POLN: variants seen among roughly 807,000 people sequenced by gnomAD.
POLN encodes the protein DNA polymerase N.
POLN carries 108 observed loss-of-function variants against 113.5 expected under a neutral mutation model. That is an observed-to-expected ratio of 0.95 (90% confidence interval 0.81 to 1.12). The LOEUF is 1.12. POLN is among the 50% of genes most tolerant of loss of function. The pLI, the probability that POLN is intolerant of heterozygous loss-of-function variation, is 0.00. For missense variants in POLN, 1,097 were observed against 1,077.1 expected (o/e 1.02, Z -0.26); for synonymous variants, 386 against 391.5 (o/e 0.99, Z 0.17).
Position 2,126,937 on chromosome 4 carries a change from G to A in POLN, c.1982+1176C>T, listed in dbSNP as rs1431872789. On this transcript the variant is annotated intron_variant, in intron 19 of 25. Transcript: ENST00000511885. This position sits in a 1 kb window ranked among gnomAD's most constrained non-coding sequence, Gnocchi z 4.6. Reference sequence around the variant, plus strand: ...AAAGACAGAGGCGGAGACAGCGCATGGGGAGGGGAGTGCAGGGGGCCGGCC... The same window carrying A: ...AAAGACAGAGGCGGAGACAGCGCATAGGGAGGGGAGTGCAGGGGGCCGGCC... 6.6e-6 allele frequency among the ~76,000 whole-genome samples: 1 copy of A among 152,268 alleles called. No homozygotes were observed. The highest frequency in any genetic ancestry group is 2.1e-4 in the South Asian group (1 of 4,828).
intron 19 of POLN, among the ~76,000 whole-genome samples, chr4:2,114,349 G>A (rs1227245867): frequency 6.6e-6 from 1 of 152,136 alleles, no homozygotes; most frequent in Non-Finnish European, 1.5e-5. Context: ...TCTTCCTGAA[G>A]ATCCAGGGTT....
At chr4:2,092,106 G>A (rs567690247) in intron 20 of POLN, among the ~76,000 whole-genome samples, 18 of 152,280 alleles carry the variant, frequency 1.2e-4, no homozygotes, top group African/African-American at 3.6e-4. Context: ...CTTGGCACCA[G>A]GGACTCCTGC....
chr4:2,167,165 G>T (rs1280784560), intron 13 of POLN, among the ~76,000 whole-genome samples: 1 of 152,138 alleles, frequency 6.6e-6, no homozygotes, highest in Non-Finnish European at 1.5e-5. Flanking sequence ...GCCCAGCAGT[G>T]GGTCAGTGCA....
intron 16 of POLN, among the ~76,000 whole-genome samples, chr4:2,142,193 G>A (rs964912032): frequency 1.3e-5 from 2 of 152,330 alleles, no homozygotes; most frequent in Non-Finnish European, 1.5e-5. Flanking sequence ...CTCTCATGCC[G>A]ATACTTTTCT....
chr4:2,177,023 G>C (rs6829879), intron 8 of POLN, among the ~76,000 whole-genome samples: 37,424 of 151,932 alleles, frequency 0.25, 7,105 homozygotes, highest in African/African-American at 0.51. Flanking sequence ...CAGTGGCTAA[G>C]TGCACACACC....
chr4:2,182,370 T>C (rs922503226), intron 7 of POLN, among the ~76,000 whole-genome samples: 1 of 152,118 alleles, frequency 6.6e-6, no homozygotes, highest in African/African-American at 2.4e-5. Flanking sequence ...AGGTGACATA[T>C]AGAGACATGC....
At chr4:2,147,343 G>A (rs1732168861) in intron 16 of POLN, among the ~76,000 whole-genome samples, 1 of 152,194 alleles carries the variant, frequency 6.6e-6, no homozygotes, top group Admixed American at 6.5e-5. Context: ...GAGAAAAAAG[G>A]TCCTCAACAC....
Position 2,081,380 on chromosome 4 carries a change from T to C in POLN, c.2308+253A>G, listed in dbSNP as rs1300783728. ...GCCTCAGTTTCCCACCACAGAGATA[T>C]GGGGAACAGTACTGCCTGGGCCCAG... On this transcript the variant is annotated intron_variant, in intron 22 of 25. Transcript: ENST00000511885. The C allele has an allele frequency of 4.5e-5, 28 of 622,846 alleles. No individual in the cohort carries two copies. The East Asian group carries it at 6.1e-4, about 14-fold the overall frequency. 38.6% of individuals were successfully genotyped at this position (622,846 alleles called of 1,614,324 possible). A position where few individuals can be genotyped will look rare whatever the true frequency, so the allele number is the denominator to read the frequency against.
chr4:2,216,123 G>A (rs905292933), intron 3 of POLN, among the ~76,000 whole-genome samples: 3 of 152,146 alleles, frequency 2.0e-5, no homozygotes, highest in South Asian at 4.1e-4. Context: ...TGACGCCCAC[G>A]GTCAGCCACC....
intron 13 of POLN, among the ~76,000 whole-genome samples, chr4:2,163,051 A>AAAAAAT (rs1732639892): frequency 3.7e-5 from 5 of 134,748 alleles, no homozygotes; most frequent in Non-Finnish European, 8.2e-5. Flanking sequence ...AAAAAAAAAA[A>AAAAAAT]CTCCTGCCAG....
At chr4:2,181,995 G>A (rs559422549) in intron 7 of POLN, among the ~76,000 whole-genome samples, 15 of 129,770 alleles carry the variant, frequency 1.2e-4, no homozygotes, top group East Asian at 2.4e-4. Flanking sequence ...GTGAGACTCC[G>A]TCTCAAAAAA....
chr4:2,089,323 T>C, intron 20 of POLN: 1 of 1,391,554 alleles, frequency 7.2e-7, no homozygotes, highest in Non-Finnish European at 9.9e-7. Context: ...TCCTGTTAAT[T>C]CTGATATTCC....
At chr4:2,139,622 C>A (rs1167356097) in intron 16 of POLN, 1 of 152,126 alleles carries the variant, frequency 6.6e-6, no homozygotes, top group East Asian at 1.9e-4. Context: ...TTAAATCACT[C>A]AAAATAATAA....
At chr4:2,123,895 C>T (rs560110556) in intron 19 of POLN, among the ~76,000 whole-genome samples, 2 of 151,706 alleles carry the variant, frequency 1.3e-5, no homozygotes, top group African/African-American at 4.8e-5. Flanking sequence ...AAAGTGGAAA[C>T]AACCCAAATG....
At chr4:2,109,184 A>G (rs1485743578) in intron 19 of POLN, among the ~76,000 whole-genome samples, 1 of 152,246 alleles carries the variant, frequency 6.6e-6, no homozygotes, top group Admixed American at 6.5e-5. Context: ...ATGATTGAAT[A>G]TGAAAAACAA....
intron 19 of POLN, among the ~76,000 whole-genome samples, chr4:2,108,553 C>T (rs546345890): frequency 2.0e-5 from 3 of 152,252 alleles, no homozygotes; most frequent in Non-Finnish European, 4.4e-5. Context: ...AGTGTAAATT[C>T]GGTGAATTTT....
chr4:2,128,111 A>T lies in POLN; in HGVS notation c.1982+2T>A, dbSNP rs756510633. On this transcript the variant is annotated splice_donor_variant, in intron 19 of 25. Coordinates refer to ENST00000511885, the MANE Select transcript of POLN (RefSeq NM_181808.4). LOFTEE classifies it high-confidence loss of function. ...ATAATATTGTGAGTTCATATATCTT[A>T]CCACTGTGAAGTCAGAGTAGAAAAT... 1.0e-5 allele frequency: 16 copies of T among 1,556,022 alleles called. 1 individual carries two copies. The South Asian group carries it at 1.6e-4, about 15-fold the overall frequency.
chr4:2,201,346 A>G (rs1252139106), intron 5 of POLN, among the ~76,000 whole-genome samples: 1 of 145,588 alleles, frequency 6.9e-6, no homozygotes, highest in Non-Finnish European at 1.5e-5. Context: ...GATGGCATAT[A>G]TAAAAAAAAA....
At chr4:2,140,792 G>A (rs1035079049) in intron 16 of POLN, 1 of 152,118 alleles carries the variant, frequency 6.6e-6, no homozygotes, top group Admixed American at 6.5e-5. Flanking sequence ...CAGCTATTTG[G>A]GGCCACACAA....
Sources: gnomAD v4.1 joint callset for allele counts (sites outside exome capture counted in the v4.1 genomes callset) on GRCh38, gnomAD v4.1.1 for gene constraint, Gnocchi (gnomAD v3.1) non-coding constraint, MANE v1.5 for transcripts, NCBI Gene and HGNC (gene_info 2026-07-23, HGNC 2026-07-21) for gene names.